ADCY2: variants seen among roughly 807,000 people sequenced by gnomAD.
ADCY2 encodes adenylate cyclase 2.
A neutral mutation model predicts 125.2 loss-of-function variants in ADCY2; 31 were observed. The observed-to-expected ratio is 0.25, with a 90% CI of 0.19 to 0.33. The LOEUF (loss-of-function observed/expected upper bound fraction) is 0.33. Among genes scored for constraint, ADCY2 ranks in the 10% least tolerant of loss-of-function variants. The probability of loss-of-function intolerance (pLI) is 1.00; values close to 1 mark genes in which losing one functional copy is unlikely to be tolerated. For missense variants in ADCY2, 904 were observed against 1,418.2 expected, an observed-to-expected ratio of 0.64 and a Z score of 5.82; for synonymous variants, 512 against 548.4, an observed-to-expected ratio of 0.93 and a Z score of 0.93.
chr5:7,641,252 C>T (rs1464323384), intron 4 of ADCY2, among the ~76,000 whole-genome samples: 1 of 152,172 alleles, frequency 6.6e-6, no homozygotes, highest in Non-Finnish European at 1.5e-5. Flanking sequence ...GATTACATGG[C>T]AGCCAGACTG....
intron 24 of ADCY2, among the ~76,000 whole-genome samples, chr5:7,823,292 G>T (rs1745361134): frequency 6.6e-6 from 1 of 152,188 alleles, no homozygotes; most frequent in Non-Finnish European, 1.5e-5. Flanking sequence ...ATTGGCCATT[G>T]CCAAGGATCT....
chr5:7,507,168 G>A (rs1402317315), intron 2 of ADCY2, among the ~76,000 whole-genome samples: 2 of 150,974 alleles, frequency 1.3e-5, no homozygotes, highest in African/African-American at 4.9e-5. Context: ...AAGGCCGGGC[G>A]CGGTGGCTCA....
intron 3 of ADCY2, among the ~76,000 whole-genome samples, chr5:7,582,373 A>G (rs1736465085): frequency 6.6e-6 from 1 of 152,168 alleles, no homozygotes; most frequent in South Asian, 2.1e-4. Flanking sequence ...AATCTTACAC[A>G]AGCCATTTCA....
chr5:7,540,267 C>T (rs758208536), intron 3 of ADCY2, among the ~76,000 whole-genome samples: 8 of 151,324 alleles, frequency 5.3e-5, no homozygotes, highest in East Asian at 1.9e-4. Context: ...ACAACAAACC[C>T]GCATGGCCCA....
At chr5:7,480,610 G>T (rs1248916907) in intron 2 of ADCY2, among the ~76,000 whole-genome samples, 1 of 152,238 alleles carries the variant, frequency 6.6e-6, no homozygotes, top group Admixed American at 6.5e-5. Context: ...GGAGGGTGAA[G>T]AGTGGGAGAA....
intron 4 of ADCY2, among the ~76,000 whole-genome samples, chr5:7,648,630 T>C (rs1738980184): frequency 1.3e-5 from 2 of 152,182 alleles, no homozygotes; most frequent in South Asian, 4.1e-4. Context: ...ACTGACTTAC[T>C]GTGAGAATTG....
chr5:7,504,682 G>T (rs1338227340), intron 2 of ADCY2, among the ~76,000 whole-genome samples: 1 of 147,306 alleles, frequency 6.8e-6, no homozygotes, highest in South Asian at 2.2e-4. Context: ...GTGCGATCTT[G>T]GGTGGTTGCA....
chr5:7,541,915 T>A (rs1197367229), intron 3 of ADCY2, among the ~76,000 whole-genome samples: 2 of 152,262 alleles, frequency 1.3e-5, no homozygotes, highest in Non-Finnish European at 2.9e-5. Context: ...AATGCAACTA[T>A]TTCCACGAAA....
intron 2 of ADCY2, among the ~76,000 whole-genome samples, chr5:7,449,282 A>G (rs1352133075): frequency 6.6e-6 from 1 of 152,226 alleles, no homozygotes; most frequent in Non-Finnish European, 1.5e-5. Context: ...CATTCAATCC[A>G]GAAAAACCAA....
intron 2 of ADCY2, among the ~76,000 whole-genome samples, chr5:7,488,744 G>C (rs572467891): frequency 2.0e-5 from 3 of 152,260 alleles, no homozygotes; most frequent in Admixed American, 6.5e-5. Context: ...TTCCCACGAG[G>C]CCAGTGTCCT....
chr5:7,715,758 G>A (rs986094921), intron 11 of ADCY2, among the ~76,000 whole-genome samples: 2 of 152,142 alleles, frequency 1.3e-5, no homozygotes, highest in African/African-American at 4.8e-5. Flanking sequence ...CAAACAGGAT[G>A]ATGGAATTGG....
At chr5:7,727,698 G>A (rs141478475) in intron 14 of ADCY2, among the ~76,000 whole-genome samples, 401 of 152,032 alleles carry the variant, frequency 2.6e-3, no homozygotes, top group African/African-American at 9.4e-3. Flanking sequence ...TCCAAGTTCT[G>A]TGTGTTACAC....
At chr5:7,716,623 A>G (rs1459275764) in intron 11 of ADCY2, among the ~76,000 whole-genome samples, 1 of 152,248 alleles carries the variant, frequency 6.6e-6, no homozygotes, top group African/African-American at 2.4e-5. Flanking sequence ...GAGCCTGCTC[A>G]TAGGCTGTTG....
intron 2 of ADCY2, among the ~76,000 whole-genome samples, chr5:7,463,687 A>G (rs1459381415): frequency 2.0e-5 from 3 of 152,136 alleles, no homozygotes; most frequent in African/African-American, 4.8e-5. Flanking sequence ...AAATGTCTCT[A>G]TAATAACATA....
At chr5:7,737,171 T>C (rs1228542575) in intron 14 of ADCY2, among the ~76,000 whole-genome samples, 1 of 152,178 alleles carries the variant, frequency 6.6e-6, no homozygotes, top group Non-Finnish European at 1.5e-5. Flanking sequence ...TTGTCTTAGG[T>C]ATTTCCGAAA....
At chr5:7,825,592 G>A (rs1232058463) in intron 24 of ADCY2, among the ~76,000 whole-genome samples, 1 of 152,224 alleles carries the variant, frequency 6.6e-6, no homozygotes, top group African/African-American at 2.4e-5. Flanking sequence ...TGGTTCCAAA[G>A]CAGCATTACC....
At chr5:7,670,744 G>T (rs552245552) in intron 4 of ADCY2, among the ~76,000 whole-genome samples, 1 of 152,194 alleles carries the variant, frequency 6.6e-6, no homozygotes, top group South Asian at 2.1e-4. Context: ...GATCCCTCCC[G>T]TGCACAGTTT....
chr5:7,475,633 C>T (rs778459325), intron 2 of ADCY2, among the ~76,000 whole-genome samples: 28 of 152,282 alleles, frequency 1.8e-4, no homozygotes, highest in Middle Eastern at 3.4e-3. Context: ...CCACCCGCCT[C>T]GGCCTCCCAA....
chr5:7,414,779 T>A lies in ADCY2; in HGVS notation c.408+9T>A. 1 of 1,594,318 alleles carries A rather than the reference T, an allele frequency of 6.3e-7. No homozygotes were observed. The highest frequency in any genetic ancestry group is 8.5e-7 in the Non-Finnish European group (1 of 1,173,334). On this transcript the variant is annotated intron_variant, in intron 2 of 24. Transcript: ENST00000338316. ...TCTCTCCCTGGGACCAGGTAAGGTG[T>A]GAAAATATTTTTTGTACTTCTTTTA...
Sources: gnomAD v4.1 joint callset for allele counts (sites outside exome capture counted in the v4.1 genomes callset) on GRCh38, gnomAD v4.1.1 for gene constraint, MANE v1.5 for transcripts, NCBI Gene and HGNC (gene_info 2026-07-23, HGNC 2026-07-21) for gene names.